ZFYVE26: variants seen among roughly 807,000 people sequenced by gnomAD.
ZFYVE26 encodes zinc finger FYVE domain-containing protein 26.
In ZFYVE26, 181 loss-of-function variants were observed where a neutral mutation model predicts 276.5. The observed-to-expected ratio is 0.65, with a 90% CI of 0.58 to 0.74. The LOEUF (loss-of-function observed/expected upper bound fraction) is 0.74, where lower values mean the gene tolerates loss of function less well. ZFYVE26 is among the 30% of genes least tolerant of loss of function. ZFYVE26 has a pLI of 0.00. For synonymous variants in ZFYVE26, 1,129 were observed against 1,203.1 expected (o/e 0.94, Z 1.27); for missense variants, 2,821 against 3,097.9 (o/e 0.91, Z 2.12).
intron 5 of ZFYVE26, among the ~76,000 whole-genome samples, chr14:67,806,936 AT>A (rs1384216380): frequency 2.0e-5 from 3 of 151,742 alleles, no homozygotes; most frequent in African/African-American, 7.3e-5. Flanking sequence ...ACTTTTATTT[AT>A]TTATTTATTT....
At chr14:67,790,119 G>A (rs1594921911) in intron 15 of ZFYVE26, among the ~76,000 whole-genome samples, 1 of 151,830 alleles carries the variant, frequency 6.6e-6, no homozygotes, top group Admixed American at 6.6e-5. Context: ...TGAAAGGATG[G>A]GCTCTTTTGC....
In ZFYVE26 at chr14:67,793,725, C is replaced by T. The variant is rs1194462617; in HGVS notation, c.2436G>A (p.Glu812=). The change falls in exon 14 of 42, where the codon GAG becomes GAA. Residue 812 remains glutamate (E), a synonymous_variant. Coordinates refer to ENST00000347230, the MANE Select transcript of ZFYVE26 (RefSeq NM_015346.4). ...GSLSAMSGRN[E]LHSRLHPHPQ... ...GATGGGGGTGCAATCTACTGTGCAG[C>T]TCATTCCGGCCAGACATGGCACTCA... 1.9e-6 allele frequency: 3 copies of T among 1,613,838 alleles called. No homozygotes were observed. Among genetic ancestry groups the T allele is most frequent in the South Asian group, 1.1e-5 (1 of 91,064 alleles).
intron 4 of ZFYVE26, 70 bp downstream of exon 4, chr14:67,809,129 TG>T: frequency 1.5e-6 from 2 of 1,321,330 alleles, no homozygotes; most frequent in Non-Finnish European, 2.2e-6. Flanking sequence ...CTCTCTCTTC[TG>T]GGTCCATGGA....
intron 2 of ZFYVE26, among the ~76,000 whole-genome samples, chr14:67,814,617 A>T (rs903043552): frequency 6.6e-6 from 1 of 152,212 alleles, no homozygotes; most frequent in African/African-American, 2.4e-5. Context: ...CCACCTCCTT[A>T]TCTTAGTTTA....
At chr14:67,795,631 C>T (rs2039936301) in intron 12 of ZFYVE26, among the ~76,000 whole-genome samples, 1 of 152,054 alleles carries the variant, frequency 6.6e-6, no homozygotes, top group Admixed American at 6.6e-5. Flanking sequence ...TCATGAATTC[C>T]TTTTAATTTT....
intron 3 of ZFYVE26, among the ~76,000 whole-genome samples, chr14:67,813,425 T>A (rs2040340901): frequency 6.6e-6 from 1 of 152,178 alleles, no homozygotes; most frequent in Non-Finnish European, 1.5e-5. Flanking sequence ...ATTAACATAC[T>A]TCTAAAAGGA....
In ZFYVE26 at chr14:67,806,569, G is replaced by A. The variant is rs2040184164; in HGVS notation, c.993C>T (p.Asn331=). ...KVAYFYCLSN[N]KHFLEQILVT... ...CCAGAATCTGCTCGAGGAAGTGTTT[G>A]TTGTTGCTCAGGCAGTAGAAATAGG... Residue 331 remains asparagine, a synonymous_variant, in exon 6 of 42, where the codon AAC becomes AAT. Transcript: ENST00000347230. 2.5e-6 allele frequency: 4 copies of A among 1,614,242 alleles called. No homozygotes were observed. Among genetic ancestry groups the A allele is most frequent in the Non-Finnish European group, 3.4e-6 (4 of 1,180,034 alleles).
At chr14:67,775,235 G>C in intron 26 of ZFYVE26, 121 bp from the exon 27 acceptor site, 2 of 661,446 alleles carry the variant, frequency 3.0e-6, no homozygotes, top group Non-Finnish European at 5.1e-6. Context: ...GACTCTACTA[G>C]GTATTAAGAG....
At chr14:67,798,964 G>A in intron 10 of ZFYVE26, 1 of 1,132,720 alleles carries the variant, frequency 8.8e-7, no homozygotes, top group Non-Finnish European at 1.3e-6. Flanking sequence ...CGCGGTTTCG[G>A]TGGGAGGGGC....
Sources: gnomAD v4.1 joint callset for allele counts (sites outside exome capture counted in the v4.1 genomes callset) on GRCh38, gnomAD v4.1.1 for gene constraint, MANE v1.5 for transcripts, NCBI Gene and HGNC (gene_info 2026-07-23, HGNC 2026-07-21) for gene names.